Variants in MAN2A1 observed in about 807,000 individuals in gnomAD.
MAN2A1 encodes mannosidase alpha class 2A member 1.
A neutral mutation model predicts 142.6 loss-of-function variants in MAN2A1; 76 were observed. The observed-to-expected ratio is 0.53, with a 90% CI of 0.44 to 0.65. MAN2A1 has a LOEUF of 0.65. Among genes scored for constraint, MAN2A1 ranks in the 30% least tolerant of loss-of-function variants. The probability of loss-of-function intolerance (pLI) is 0.00; values close to 1 mark genes in which losing one functional copy is unlikely to be tolerated. For synonymous variants in MAN2A1, 559 were observed against 473.2 expected (o/e 1.18, Z -2.35); for missense variants, 1,311 against 1,365.1 (o/e 0.96, Z 0.62).
intron 12 of MAN2A1, among the ~76,000 whole-genome samples, chr5:109,816,197 T>G (rs1320152975): frequency 1.3e-5 from 2 of 152,196 alleles, no homozygotes; most frequent in African/African-American, 4.8e-5. Context: ...GAGAGGATTT[T>G]AGGAAAAATA....
In MAN2A1 at chr5:109,781,508, A is replaced by G; in HGVS notation, c.1487A>G (p.Tyr496Cys). 2 of 1,613,422 alleles carry G rather than the reference A, an allele frequency of 1.2e-6. No individual in the cohort carries two copies. The highest frequency in any genetic ancestry group is 1.7e-6 in the Non-Finnish European group (2 of 1,179,714). ...FPVLSGDFFT[Y>C]ADRDDHYWSG... is the part of the protein sequence containing the mutation. ...GTTTTAAGTGGAGATTTTTTCACTT[A>G]TGCCGATCGAGATGATCATTACTGG... Residue 496 changes from tyrosine (Y) to cysteine (C), a missense_variant, in exon 9 of 22, where the codon TAT (tyrosine) becomes TGT (cysteine). Transcript: ENST00000261483.
chr5:109,713,175 G>A (rs112614124), intron 1 of MAN2A1, among the ~76,000 whole-genome samples: 2,798 of 152,240 alleles, frequency 0.018, 33 homozygotes, highest in Middle Eastern at 0.071. Flanking sequence ...TTTCATACCT[G>A]AATATAATAT....
At chr5:109,692,392 G>T (rs1750695668) in intron 1 of MAN2A1, among the ~76,000 whole-genome samples, 1 of 152,130 alleles carries the variant, frequency 6.6e-6, no homozygotes, top group Non-Finnish European at 1.5e-5. Flanking sequence ...GATTTTCACT[G>T]CAGAAAGAAG....
intron 16 of MAN2A1, chr5:109,840,581 A>G (rs574711479): frequency 2.1e-4 from 104 of 504,478 alleles, no homozygotes; most frequent in African/African-American, 1.8e-3. Flanking sequence ...TTGTTTCCTT[A>G]ACAACAGGGC....
intron 1 of MAN2A1, among the ~76,000 whole-genome samples, chr5:109,691,014 T>A (rs926951101): frequency 6.6e-5 from 10 of 152,062 alleles, no homozygotes; most frequent in African/African-American, 1.9e-4. Context: ...CCACCTAGGC[T>A]TTTTTTTCTT....
At chr5:109,707,989 T>C (rs1012246860) in intron 1 of MAN2A1, among the ~76,000 whole-genome samples, 2 of 152,040 alleles carry the variant, frequency 1.3e-5, no homozygotes, top group Non-Finnish European at 2.9e-5. Flanking sequence ...CAGCGGGAGA[T>C]ACAAATATGG....
At chr5:109,734,567 T>C (rs979182004) in intron 4 of MAN2A1, among the ~76,000 whole-genome samples, 4 of 152,214 alleles carry the variant, frequency 2.6e-5, no homozygotes, top group African/African-American at 4.8e-5. Flanking sequence ...TCTGGTATGT[T>C]GTGTCTTTCT....
chr5:109,823,952 C>G (rs566489850), intron 16 of MAN2A1, 115 bp downstream of exon 16: 26 of 524,440 alleles, frequency 5.0e-5, no homozygotes, highest in South Asian at 4.0e-4. Flanking sequence ...TTTTTCTAAA[C>G]TTGACATTTT....
chr5:109,715,445 G>A lies in MAN2A1; in HGVS notation c.391-675G>A, dbSNP rs532882327. On this transcript the variant is annotated intron_variant, in intron 2 of 21. Transcript: ENST00000261483. ...GTAAAGTTTTAGTTTTTTTCCCACC[G>A]TTTTTTCCTTTGCATCCCAACATTA... Among the ~76,000 whole-genome samples the A allele has an allele frequency of 5.3e-5, 8 of 151,896 alleles. No individual in the cohort carries two copies. In the East Asian group the frequency reaches 7.8e-4, roughly 15 times the overall value.
intron 18 of MAN2A1, 95 bp from the exon 19 acceptor site, chr5:109,847,562 G>A: frequency 9.0e-7 from 1 of 1,113,600 alleles, no homozygotes; most frequent in Non-Finnish European, 1.2e-6. Flanking sequence ...GAAATTTAGA[G>A]CAATACATCA....
chr5:109,768,645 C>A (rs369951674), intron 6 of MAN2A1, among the ~76,000 whole-genome samples: 2 of 152,198 alleles, frequency 1.3e-5, no homozygotes, highest in South Asian at 2.1e-4. Context: ...AATCTAGACC[C>A]CTTAAGTGTT....
At chr5:109,729,253 C>A in intron 3 of MAN2A1, 89 bp from the exon 4 acceptor site, 1 of 748,100 alleles carries the variant, frequency 1.3e-6, no homozygotes, top group Non-Finnish European at 2.1e-6. Context: ...AAAATTCTAA[C>A]GATGTCCAAA....
At chr5:109,781,293 G>A in intron 8 of MAN2A1, 103 bp from the exon 9 acceptor site, 1 of 637,936 alleles carries the variant, frequency 1.6e-6, no homozygotes, top group Non-Finnish European at 2.5e-6. Context: ...ATCTTAACTT[G>A]GAAACACATG....
Position 109,774,827 on chromosome 5 carries a change from G to A in MAN2A1, c.1236G>A (p.Lys412=). The A allele has an allele frequency of 6.2e-7, 1 of 1,612,434 alleles. No homozygotes were observed. Among genetic ancestry groups the A allele is most frequent in the Non-Finnish European group, 8.5e-7 (1 of 1,179,534 alleles). ...TAGATCAGTACCGAAAGAAGTCAAA[G>A]CTTTTTCGTACCAAAGTTCTCCTGG... ...MLLDQYRKKS[K]LFRTKVLLAP... is the part of the protein sequence containing the mutation. The change falls in exon 8 of 22, where the codon AAG becomes AAA. Residue 412 remains lysine, a synonymous_variant. Transcript: ENST00000261483.
intron 9 of MAN2A1, among the ~76,000 whole-genome samples, chr5:109,784,375 G>A (rs1753541438): frequency 6.6e-6 from 1 of 152,082 alleles, no homozygotes; most frequent in Non-Finnish European, 1.5e-5. Context: ...CATGGTCTAT[G>A]TGTGTGTTGC....
At chr5:109,851,924 GTAAA>G (rs1301455411) in intron 19 of MAN2A1, among the ~76,000 whole-genome samples, 1 of 151,968 alleles carries the variant, frequency 6.6e-6, no homozygotes, top group Non-Finnish European at 1.5e-5. Context: ...AGGTTTAAGG[GTAAA>G]TACTTAGGTG....
intron 16 of MAN2A1, among the ~76,000 whole-genome samples, chr5:109,839,911 C>G (rs1470211493): frequency 1.3e-5 from 2 of 151,630 alleles, no homozygotes; most frequent in Non-Finnish European, 2.9e-5. Flanking sequence ...ATCTATGGTG[C>G]CTACACTAAC....
At chr5:109,746,368 C>G (rs1201416322) in intron 4 of MAN2A1, among the ~76,000 whole-genome samples, 4 of 151,982 alleles carry the variant, frequency 2.6e-5, no homozygotes, top group Non-Finnish European at 5.9e-5. Context: ...TAATATATGC[C>G]CCAATATATA....
At chr5:109,699,138 T>C (rs1188350683) in intron 1 of MAN2A1, among the ~76,000 whole-genome samples, 1 of 152,216 alleles carries the variant, frequency 6.6e-6, no homozygotes, top group Non-Finnish European at 1.5e-5. Flanking sequence ...ATTCATCAAC[T>C]TTAGGCCTAA....
Sources: allele counts gnomAD v4.1 joint callset (sites outside exome capture counted in the v4.1 genomes callset), GRCh38; gene constraint gnomAD v4.1.1; transcripts MANE v1.5; gene names NCBI Gene and HGNC (gene_info 2026-07-23, HGNC 2026-07-21).